The following PIK3CD variants were observed in gnomAD, a reference collection of about 807,000 sequenced individuals.
PIK3CD encodes phosphatidylinositol-4,5-bisphosphate 3-kinase catalytic subunit delta, also known as phosphatidylinositol 4,5-bisphosphate 3-kinase catalytic subunit delta isoform.
In PIK3CD, 20 loss-of-function variants were observed where a neutral mutation model predicts 122.9. The observed-to-expected ratio is 0.16, with a 90% CI of 0.11 to 0.24. The LOEUF (loss-of-function observed/expected upper bound fraction) is 0.24, where lower values mean the gene tolerates loss of function less well. Among genes scored for constraint, PIK3CD ranks in the 10% least tolerant of loss-of-function variants. The pLI is 1.00. For missense variants in PIK3CD, 787 were observed against 1,406.3 expected, an observed-to-expected ratio of 0.56 and a Z score of 7.04; for synonymous variants, 596 against 593.4, an observed-to-expected ratio of 1.00 and a Z score of -0.06.
At chr1:9,641,896 C>T in the PIK3CD span, among the ~76,000 whole-genome samples, 1 of 152,134 alleles carries the variant, frequency 6.6e-6, no homozygotes, top group African/African-American at 2.4e-5. Context: ...CCATCTGCTC[C>T]ACCCTTTCTT....
chr1:9,720,248 TG>T lies in PIK3CD; in HGVS notation c.1470+11del, dbSNP rs1286898072. On this transcript the variant is annotated splice_region_variant and intron_variant, in intron 11 of 23. Coordinates refer to ENST00000377346, the MANE Select transcript of PIK3CD (RefSeq NM_005026.5). The surrounding 1 kb of genome is among the most constrained non-coding windows in gnomAD (Gnocchi z 9.0). ...ACTACCCCGCCCTGGAGAAGGTCAG[TG>T]GGGGCCCCGCCGCGTGAGGCTGAGG... 6.2e-7 allele frequency: 1 copy of T among 1,601,546 alleles called. No individual in the cohort carries two copies. The highest frequency in any genetic ancestry group is 8.5e-7 in the Non-Finnish European group (1 of 1,171,424).
At chr1:9,634,060 C>T in the PIK3CD span, among the ~76,000 whole-genome samples, 6 of 151,730 alleles carry the variant, frequency 4.0e-5, no homozygotes, top group Non-Finnish European at 7.4e-5. Flanking sequence ...GCAACTTCTA[C>T]TCCAGGGCTC....
chr1:9,695,984 T>C (rs975978293), intron 2 of PIK3CD, among the ~76,000 whole-genome samples: 1 of 151,920 alleles, frequency 6.6e-6, no homozygotes, highest in African/African-American at 2.4e-5. Context: ...ACTTTTTTTT[T>C]TTTTTGAGAT....
Position 9,722,040 on chromosome 1 carries a change from C to G in PIK3CD, c.2121C>G (p.Pro707=), listed in dbSNP as rs755992842. 6.2e-7 allele frequency: 1 copy of G among 1,613,724 alleles called. No individual in the cohort carries two copies. Among genetic ancestry groups the G allele is most frequent in the Non-Finnish European group, 8.5e-7 (1 of 1,180,012 alleles). ...DFVKLSSQKT[P]KPQTKELMHL... ...TCAAGCTGAGCTCTCAGAAGACCCC[C>G]AAGCCCCAGACCAAGGAGCTGATGC... Residue 707 remains proline (P), a synonymous_variant, in exon 17 of 24, where the codon CCC becomes CCG. Coordinates refer to ENST00000377346, the MANE Select transcript of PIK3CD (RefSeq NM_005026.5). The surrounding 1 kb of genome is among the most constrained non-coding windows in gnomAD (Gnocchi z 7.6).
the PIK3CD span, among the ~76,000 whole-genome samples, chr1:9,633,166 C>A: frequency 2.6e-4 from 39 of 151,962 alleles, no homozygotes; most frequent in Non-Finnish European, 4.9e-4. Flanking sequence ...TGATCAGCAA[C>A]CTGATTCTTG....
intron 1 of PIK3CD, among the ~76,000 whole-genome samples, chr1:9,683,833 G>A (rs1645864585): frequency 6.6e-6 from 1 of 152,108 alleles, no homozygotes; most frequent in Non-Finnish European, 1.5e-5. Context: ...CAAGGGGTTG[G>A]TAACAACTTG....
intron 1 of PIK3CD, among the ~76,000 whole-genome samples, chr1:9,676,747 A>G (rs1269046658): frequency 3.3e-5 from 5 of 152,204 alleles, no homozygotes; most frequent in African/African-American, 9.6e-5. Context: ...ATAAAACTGA[A>G]TGGCTGCCTT....
At position 9,723,365 on chromosome 1, in the gene PIK3CD, G is replaced by A. The variant is rs1428700222; in HGVS notation, c.2594+73G>A. Reference sequence around the variant, plus strand: ...TGGAGTGGGAGGGCCTCGCCTGTCAGAACAAAGGAGCGGGGAGGGGCCTCA... The same window carrying A: ...TGGAGTGGGAGGGCCTCGCCTGTCAAAACAAAGGAGCGGGGAGGGGCCTCA... On this transcript the variant is annotated intron_variant, in intron 20 of 23. Transcript: ENST00000377346. This position sits in a 1 kb window ranked among gnomAD's most constrained non-coding sequence, Gnocchi z 4.9. The A allele has an allele frequency of 4.0e-6, 6 of 1,499,268 alleles. No homozygotes were observed. The highest frequency in any genetic ancestry group is 2.3e-5 in the South Asian group (2 of 88,632). The allele number at this position is 1,499,268 out of a possible 1,614,324, so 92.9% of individuals were successfully genotyped here. A position where few individuals can be genotyped will look rare whatever the true frequency, so the allele number is the denominator to read the frequency against.
rs1165465232 is a variant in PIK3CD at position 9,717,465 on chromosome 1, G to A, written c.931-72G>A. The A allele has an allele frequency of 1.2e-5, 18 of 1,462,214 alleles. No homozygotes were observed. The highest frequency in any genetic ancestry group is 1.6e-5 in the Non-Finnish European group (17 of 1,042,870). 90.6% of individuals were successfully genotyped at this position (1,462,214 alleles called of 1,614,324 possible). On this transcript the variant is annotated intron_variant, in intron 7 of 23. Transcript: ENST00000377346. The surrounding 1 kb of genome is among the most constrained non-coding windows in gnomAD (Gnocchi z 5.4). ...TCTCACCCGCCCCCAAGTGGTCACG[G>A]GCCTCACCATAGGCCAGGGAGACAA...
At chr1:9,653,372 T>G in intron 1 of PIK3CD, 1 of 190,162 alleles carries the variant, frequency 5.3e-6, no homozygotes. Flanking sequence ...CATTTTACAG[T>G]TAAGGAAACG....
chr1:9,667,470 G>A (rs188769934), intron 1 of PIK3CD, among the ~76,000 whole-genome samples: 16 of 151,528 alleles, frequency 1.1e-4, no homozygotes, highest in Admixed American at 5.9e-4. Context: ...TCCGCCTCCC[G>A]GGTTCAAGTG....
chr1:9,640,203 C>T, the PIK3CD span, among the ~76,000 whole-genome samples: 5 of 152,010 alleles, frequency 3.3e-5, no homozygotes, highest in South Asian at 1.0e-3. Context: ...CCAGTTTCAT[C>T]TGTCCGTTTC....
chr1:9,636,208 G>C, the PIK3CD span, among the ~76,000 whole-genome samples: 1 of 151,842 alleles, frequency 6.6e-6, no homozygotes, highest in Admixed American at 6.6e-5. Flanking sequence ...CATTTTTTTG[G>C]GGGGGGACAT....
chr1:9,725,547 C>T (rs753521526), intron 23 of PIK3CD, among the ~76,000 whole-genome samples: 1 of 150,914 alleles, frequency 6.6e-6, no homozygotes, highest in Middle Eastern at 3.5e-3. Context: ...AGGAGCAAAA[C>T]TCGGTCTCAA....
chr1:9,641,478 G>T, the PIK3CD span, among the ~76,000 whole-genome samples: 8 of 152,100 alleles, frequency 5.3e-5, no homozygotes, highest in Admixed American at 5.2e-4. Context: ...TCACACAGCC[G>T]ACAGATGGTG....
intron 2 of PIK3CD, among the ~76,000 whole-genome samples, chr1:9,706,221 G>T (rs550307134): frequency 7.9e-4 from 120 of 151,642 alleles, no homozygotes; most frequent in African/African-American, 2.6e-3. Flanking sequence ...GTCTGGCTAG[G>T]AGCTCACACC....
chr1:9,634,146 GTTGTTT>G, the PIK3CD span, among the ~76,000 whole-genome samples: 103 of 116,660 alleles, frequency 8.8e-4, 1 homozygote, highest in East Asian at 2.1e-3. Flanking sequence ...TAATTTTTGG[GTTGTTT>G]TTTTTTTTTT....
At chr1:9,708,500 G>A (rs929412736) in intron 2 of PIK3CD, among the ~76,000 whole-genome samples, 3 of 151,992 alleles carry the variant, frequency 2.0e-5, no homozygotes, top group Admixed American at 6.6e-5. Flanking sequence ...TTTAAAGCAC[G>A]CACTAGTACC....
Position 9,724,744 on chromosome 1 carries a change from G to A in PIK3CD, c.2865-60G>A, listed in dbSNP as rs2101007668. The stretch of plus-strand genomic sequence containing the variant: ...GAAGGGGCTGGTTGGATGCAGAGCG[G>A]CCCTCTGGCCTGTGGCTGGGAGTTC... On this transcript the variant is annotated intron_variant, in intron 22 of 23. Coordinates refer to ENST00000377346, the MANE Select transcript of PIK3CD (RefSeq NM_005026.5). This position sits in a 1 kb window ranked among gnomAD's most constrained non-coding sequence, Gnocchi z 7.3. 6.2e-7 allele frequency: 1 copy of A among 1,607,154 alleles called. No homozygotes were observed. Among genetic ancestry groups the A allele is most frequent in the Non-Finnish European group, 8.5e-7 (1 of 1,175,876 alleles).
Sources: gnomAD v4.1 joint callset for allele counts (sites outside exome capture counted in the v4.1 genomes callset) on GRCh38, gnomAD v4.1.1 for gene constraint, Gnocchi (gnomAD v3.1) non-coding constraint, MANE v1.5 for transcripts, NCBI Gene and HGNC (gene_info 2026-07-23, HGNC 2026-07-21) for gene names.